The following RNF212B variants were observed in gnomAD, a reference collection of about 807,000 sequenced individuals.
RNF212B encodes the protein E3 ubiquitin-protein ligase RNF212B.
In RNF212B, 52 loss-of-function variants were observed where a neutral mutation model predicts 55.5. The observed-to-expected ratio is 0.94, with a 90% CI of 0.75 to 1.18. The LOEUF (loss-of-function observed/expected upper bound fraction) is 1.18. RNF212B is among the 50% of genes most tolerant of loss of function. RNF212B has a pLI of 0.00. For missense variants in RNF212B, 289 were observed against 350.4 expected, an observed-to-expected ratio of 0.82 and a Z score of 1.40; for synonymous variants, 99 against 121.4, an observed-to-expected ratio of 0.82 and a Z score of 1.21.
intron 4 of RNF212B, among the ~76,000 whole-genome samples, chr14:23,255,844 G>A (rs1236748878): frequency 6.6e-6 from 1 of 152,192 alleles, no homozygotes; most frequent in Non-Finnish European, 1.5e-5. Context: ...GTACTGTACT[G>A]AGGTACATTA....
At chr14:23,228,462 CAAA>C (rs776673043) in intron 2 of RNF212B, among the ~76,000 whole-genome samples, 51 of 76,096 alleles carry the variant, frequency 6.7e-4, no homozygotes, top group African/African-American at 2.6e-3. Flanking sequence ...CTATCTCTAC[CAAA>C]AAAAAAAAAA....
At chr14:23,198,350 A>G (rs1017432172) in intron 2 of RNF212B, among the ~76,000 whole-genome samples, 35 of 152,164 alleles carry the variant, frequency 2.3e-4, no homozygotes, top group African/African-American at 7.7e-4. Flanking sequence ...ACTAATATCC[A>G]GTTTATAATC....
chr14:23,217,619 G>A (rs543807124), intron 2 of RNF212B, among the ~76,000 whole-genome samples: 1 of 152,258 alleles, frequency 6.6e-6, no homozygotes, highest in Non-Finnish European at 1.5e-5. Context: ...AAAAGAATAA[G>A]AGTCTCTGCT....
chr14:23,241,148 G>T (rs1434985222), intron 2 of RNF212B, among the ~76,000 whole-genome samples: 2 of 152,156 alleles, frequency 1.3e-5, no homozygotes, highest in Non-Finnish European at 2.9e-5. Flanking sequence ...TGATTCTTCA[G>T]TAGGGTTTTG....
At chr14:23,196,348 TC>T (rs1878693488) in intron 2 of RNF212B, among the ~76,000 whole-genome samples, 1 of 152,066 alleles carries the variant, frequency 6.6e-6, no homozygotes, top group Non-Finnish European at 1.5e-5. Flanking sequence ...CCAGCTGGCT[TC>T]CAAGCCCACT....
intron 4 of RNF212B, among the ~76,000 whole-genome samples, chr14:23,252,974 CT>C (rs1266986710): frequency 6.6e-6 from 1 of 152,206 alleles, no homozygotes; most frequent in East Asian, 1.9e-4. Context: ...GCATGTAATT[CT>C]TGTTAAACCC....
At chr14:23,196,603 C>G (rs1190859775) in intron 2 of RNF212B, among the ~76,000 whole-genome samples, 1 of 152,050 alleles carries the variant, frequency 6.6e-6, no homozygotes, top group Non-Finnish European at 1.5e-5. Context: ...CCATGCCCAG[C>G]TAATTTTTAA....
At chr14:23,228,543 G>A (rs562710380) in intron 2 of RNF212B, among the ~76,000 whole-genome samples, 3 of 151,810 alleles carry the variant, frequency 2.0e-5, no homozygotes, top group Non-Finnish European at 4.4e-5. Flanking sequence ...GGATGAGCAG[G>A]GAGGATGAGC....
At chr14:23,203,781 C>T (rs1221616094) in intron 2 of RNF212B, among the ~76,000 whole-genome samples, 1 of 151,980 alleles carries the variant, frequency 6.6e-6, no homozygotes, top group Non-Finnish European at 1.5e-5. Flanking sequence ...GTAGGCCTTA[C>T]TTTAGTTATT....
intron 2 of RNF212B, among the ~76,000 whole-genome samples, chr14:23,221,918 A>T (rs767943980): frequency 6.6e-6 from 1 of 152,210 alleles, no homozygotes; most frequent in Non-Finnish European, 1.5e-5. Context: ...TAAGAAGGAA[A>T]CTGAAAAGTG....
Position 23,262,886 on chromosome 14 carries a change from C to T in RNF212B, c.482-42C>T, listed in dbSNP as rs567897847. The T allele has an allele frequency of 1.4e-5, 22 of 1,543,326 alleles. No individual in the cohort carries two copies. The Middle Eastern group carries it at 5.0e-4, about 35-fold the overall frequency. Reference sequence around the variant, plus strand: ...AATTGGCCAGGCAAGGCAGGCATACCATTGATGGCAACTTTTTATTCTGTA... The same window carrying T: ...AATTGGCCAGGCAAGGCAGGCATACTATTGATGGCAACTTTTTATTCTGTA... On this transcript the variant is annotated intron_variant, in intron 8 of 14. Transcript: ENST00000430154.
intron 2 of RNF212B, among the ~76,000 whole-genome samples, chr14:23,194,524 G>A (rs2877535): frequency 0.44 from 66,031 of 151,764 alleles, 16,552 homozygotes; most frequent in Admixed American, 0.59. Context: ...GATCATCTGA[G>A]CTCAGGAGTT....
intron 2 of RNF212B, among the ~76,000 whole-genome samples, chr14:23,202,261 A>G (rs936450879): frequency 2.0e-5 from 3 of 152,164 alleles, no homozygotes; most frequent in Admixed American, 1.3e-4. Context: ...AAAAAAAAAA[A>G]AAAAAAAGCA....
At chr14:23,239,194 GT>G (rs1209986637) in intron 1 of RNF212B, among the ~76,000 whole-genome samples, 1 of 151,976 alleles carries the variant, frequency 6.6e-6, no homozygotes, top group Non-Finnish European at 1.5e-5. Flanking sequence ...AGTAGCTGGG[GT>G]TACAGGCGTG....
intron 2 of RNF212B, among the ~76,000 whole-genome samples, chr14:23,223,132 G>C (rs572667338): frequency 1.7e-4 from 25 of 151,406 alleles, no homozygotes; most frequent in Admixed American, 1.4e-3. Context: ...GGATGGTTCA[G>C]ATATGCAAAT....
At chr14:23,196,253 A>C (rs536850192) in intron 2 of RNF212B, among the ~76,000 whole-genome samples, 69 of 152,096 alleles carry the variant, frequency 4.5e-4, no homozygotes, top group African/African-American at 1.6e-3. Flanking sequence ...CTGAGTGCCC[A>C]CTGTCTCTCT....
At position 23,258,788 on chromosome 14, in the gene RNF212B, C is replaced by G. The variant is rs1362354389; in HGVS notation, c.344+124C>G. The G allele has an allele frequency of 8.9e-6, 4 of 449,266 alleles. No homozygotes were observed. In the East Asian group the frequency reaches 1.1e-4, roughly 12 times the overall value. The allele number at this position is 449,266 out of a possible 1,614,324, so 27.8% of individuals were successfully genotyped here. A position where few individuals can be genotyped will look rare whatever the true frequency, so the allele number is the denominator to read the frequency against. On this transcript the variant is annotated intron_variant, in intron 5 of 14. Coordinates refer to ENST00000430154, the MANE Select transcript of RNF212B (RefSeq NM_001282322.3). ...TATGTATTTGTTTGTTTGGGAAAAT[C>G]AGGTACAGAATTTTTGATCCCCTGA...
intron 2 of RNF212B, among the ~76,000 whole-genome samples, chr14:23,210,081 G>A (rs1416355958): frequency 1.3e-5 from 2 of 152,202 alleles, no homozygotes; most frequent in Admixed American, 6.5e-5. Context: ...AACCTGGAAG[G>A]TGGAGGTTGC....
intron 1 of RNF212B, among the ~76,000 whole-genome samples, chr14:23,188,709 T>C (rs990911435): frequency 1.3e-5 from 2 of 151,764 alleles, no homozygotes; most frequent in African/African-American, 4.8e-5. Flanking sequence ...GCCTGAAGAG[T>C]TCCTCCAGCC....
Sources: gnomAD v4.1 joint callset for allele counts (sites outside exome capture counted in the v4.1 genomes callset) on GRCh38, gnomAD v4.1.1 for gene constraint, MANE v1.5 for transcripts, NCBI Gene and HGNC (gene_info 2026-07-23, HGNC 2026-07-21) for gene names.